JUP: variants seen among roughly 807,000 people sequenced by gnomAD.
JUP encodes catenin (cadherin-associated protein), gamma 80kDa.
A neutral mutation model predicts 71.1 loss-of-function variants in JUP; 28 were observed. That is an observed-to-expected ratio of 0.39 (90% confidence interval 0.29 to 0.54). JUP has a LOEUF of 0.54. Among genes scored for constraint, JUP ranks in the 20% least tolerant of loss-of-function variants. The probability of loss-of-function intolerance (pLI) is 0.62; values close to 1 mark genes in which losing one functional copy is unlikely to be tolerated. For synonymous variants in JUP, 401 were observed against 438.9 expected, an observed-to-expected ratio of 0.91 and a Z score of 1.08; for missense variants, 869 against 1,030.1, an observed-to-expected ratio of 0.84 and a Z score of 2.14.
Position 41,767,463 on chromosome 17 carries a change from G to A in JUP, c.825C>T (p.Pro275=). 1 of 1,614,124 alleles carries A rather than the reference G, an allele frequency of 6.2e-7. No homozygotes were observed. Among genetic ancestry groups the A allele is most frequent in the Non-Finnish European group, 8.5e-7 (1 of 1,180,014 alleles). ...ACTTGGGGTTGTTCTTGTTGAGCAG[G>A]GGCACCATCTTTTGCAGCCCGTCGG... ...RLADGLQKMV[P]LLNKNNPKFL... is the part of the protein sequence containing the mutation. The change falls in exon 5 of 14, where the codon CCC becomes CCT. Residue 275 remains proline, a synonymous_variant. Coordinates refer to ENST00000393931, the MANE Select transcript of JUP (RefSeq NM_002230.4).
chr17:41,759,246 T>G (rs1481160600), intron 8 of JUP, among the ~76,000 whole-genome samples: 1 of 152,082 alleles, frequency 6.6e-6, no homozygotes, highest in Non-Finnish European at 1.5e-5. Flanking sequence ...GCTAATTTTT[T>G]GTATTTTTAG....
chr17:41,755,622 A>G lies in JUP; in HGVS notation c.*122T>C. On this transcript the variant is annotated 3_prime_UTR_variant, in exon 14 of 14. Coordinates refer to ENST00000393931, the MANE Select transcript of JUP (RefSeq NM_002230.4). The stretch of plus-strand genomic sequence containing the variant: ...ACCGTGCTTGGGGAAGCTCAGCAGC[A>G]AAGGATCCCCCCAAAAAAGGAGCGC... 2 of 1,007,044 alleles carry G rather than the reference A, an allele frequency of 2.0e-6. No homozygotes were observed. The highest frequency in any genetic ancestry group is 2.8e-6 in the Non-Finnish European group (2 of 711,856). The allele number at this position is 1,007,044 out of a possible 1,614,324, so 62.4% of individuals were successfully genotyped here.
chr17:41,779,603 C>T (rs1015152853), intron 1 of JUP, among the ~76,000 whole-genome samples: 2 of 152,104 alleles, frequency 1.3e-5, no homozygotes, highest in Admixed American at 1.3e-4. Flanking sequence ...GCTGGGATTA[C>T]AGGCGTGAGC....
Position 41,758,409 on chromosome 17 carries a change from A to G in JUP, c.1763T>C (p.Leu588Pro), listed in dbSNP as rs1555599374. The part of the protein sequence containing the change: ...MEIFRLNTIP[L>P]FVQLLYSSVE... ...CTGCCCCAGACTCACCTGCACAAACAGGGGAATGGTGTTGAGCCGGAAGAT... is the reference window on the plus strand; with the variant it reads ...CTGCCCCAGACTCACCTGCACAAACGGGGGAATGGTGTTGAGCCGGAAGAT... The change falls in exon 10 of 14, where the codon CTG becomes CCG. Residue 588 changes from leucine (L) to proline (P), a missense_variant. Physicochemically the swap from Leu to Pro is moderately conservative, Grantham distance 98. Coordinates refer to ENST00000393931, the MANE Select transcript of JUP (RefSeq NM_002230.4). 1.2e-6 allele frequency: 2 copies of G among 1,613,274 alleles called. No homozygotes were observed. The highest frequency in any genetic ancestry group is 2.2e-5 in the East Asian group (1 of 44,874).
rs1247371018 is a variant in JUP, at chr17:41,755,202, G to C, written c.*542C>G. The C allele has an allele frequency of 2.5e-6, 1 of 398,516 alleles. No individual in the cohort carries two copies. Among genetic ancestry groups the C allele is most frequent in the African/African-American group, 2.1e-5 (1 of 48,626 alleles). 24.7% of individuals were successfully genotyped at this position (398,516 alleles called of 1,614,324 possible). On this transcript the variant is annotated 3_prime_UTR_variant, in exon 14 of 14. Coordinates refer to ENST00000393931, the MANE Select transcript of JUP (RefSeq NM_002230.4). Reference sequence around the variant, plus strand: ...GGGGGAAAACAGAATGGGTACTTGAGTCTGAAGCTTTAGTGGCCAGGGCCA... The same window carrying C: ...GGGGGAAAACAGAATGGGTACTTGACTCTGAAGCTTTAGTGGCCAGGGCCA...
chr17:41,767,892 T>C (rs1915975987), intron 4 of JUP, among the ~76,000 whole-genome samples: 1 of 152,192 alleles, frequency 6.6e-6, no homozygotes, highest in African/African-American at 2.4e-5. Flanking sequence ...GGCCACATAT[T>C]AGAGAGGCCT....
chr17:41,770,743 G>A (rs1916521811), intron 2 of JUP, among the ~76,000 whole-genome samples: 1 of 152,206 alleles, frequency 6.6e-6, no homozygotes, highest in Non-Finnish European at 1.5e-5. Context: ...TGGGCTGGCG[G>A]GGCATCCCCA....
chr17:41,764,922 C>T lies in JUP; in HGVS notation c.1054+1G>A, dbSNP rs781830049. On this transcript the variant is annotated splice_donor_variant, in intron 6 of 13. Transcript: ENST00000393931. LOFTEE classifies it high-confidence loss of function. The stretch of plus-strand genomic sequence containing the variant: ...GCCGCCCTCAAGGCCATCATACTCA[C>T]CAGCCTCCACAATGGCAGGCTTATT... 1 of 1,614,194 alleles carries T rather than the reference C, an allele frequency of 6.2e-7. No homozygotes were observed. The highest frequency in any genetic ancestry group is 1.1e-5 in the South Asian group (1 of 91,090).
chr17:41,762,925 C>T, intron 8 of JUP, 58 bp downstream of exon 8: 1 of 1,491,438 alleles, frequency 6.7e-7, no homozygotes, highest in Non-Finnish European at 9.3e-7. Flanking sequence ...TTTGCCTATA[C>T]CAATACAGCA....
At chr17:41,772,640 G>C (rs1916843883) in intron 1 of JUP, among the ~76,000 whole-genome samples, 1 of 152,102 alleles carries the variant, frequency 6.6e-6, no homozygotes, top group African/African-American at 2.4e-5. Context: ...CGAGGACCTG[G>C]TGCATAGCAG....
chr17:41,760,414 C>T (rs1020865186), intron 8 of JUP, among the ~76,000 whole-genome samples: 3 of 151,698 alleles, frequency 2.0e-5, no homozygotes, highest in African/African-American at 4.8e-5. Flanking sequence ...CGCCACCACG[C>T]CTGGCTAATT....
rs1555605604 is a variant in JUP at position 41,769,401 on chromosome 17, C to A, written c.468+17G>T. 6.2e-7 allele frequency: 1 copy of A among 1,606,030 alleles called. No individual in the cohort carries two copies. Among genetic ancestry groups the A allele is most frequent in the South Asian group, 1.1e-5 (1 of 89,826 alleles). On this transcript the variant is annotated intron_variant, in intron 3 of 13. Coordinates refer to ENST00000393931, the MANE Select transcript of JUP (RefSeq NM_002230.4). ...CCTCCCTGCCCAGCCCCCACCCTAG[C>A]AGGGACCCTCACAGACCGGGTCCTC...
At chr17:41,761,035 C>A (rs551142617) in intron 8 of JUP, among the ~76,000 whole-genome samples, 1 of 152,234 alleles carries the variant, frequency 6.6e-6, no homozygotes, top group South Asian at 2.1e-4. Context: ...CACACACAAA[C>A]GCTTTCCCCC....
At position 41,758,702 on chromosome 17, in the gene JUP, C is replaced by A. The variant is rs1555599665; in HGVS notation, c.1653+13G>T. 6.3e-7 allele frequency: 1 copy of A among 1,598,626 alleles called. No homozygotes were observed. The highest frequency in any genetic ancestry group is 1.7e-4 in the Middle Eastern group (1 of 6,016). On this transcript the variant is annotated intron_variant, in intron 9 of 13. Coordinates refer to ENST00000393931, the MANE Select transcript of JUP (RefSeq NM_002230.4). ...CCCAGGAAGGCTGTCAGAGGCACCA[C>A]CAGCTCACATACCGTGTAGGGCTGC...
chr17:41,760,146 G>A, intron 8 of JUP, among the ~76,000 whole-genome samples: 1 of 151,568 alleles, frequency 6.6e-6, no homozygotes. Flanking sequence ...CTGGGCAACA[G>A]AGCAAGAATC....
chr17:41,777,002 GTC>G (rs1567828540), intron 1 of JUP, among the ~76,000 whole-genome samples: 1 of 152,038 alleles, frequency 6.6e-6, no homozygotes, highest in Non-Finnish European at 1.5e-5. Flanking sequence ...GCGAGACTCT[GTC>G]TCAAAAAAAA....
Position 41,755,223 on chromosome 17 carries a change from G to A in JUP, c.*521C>T. ...TTGAGTCTGAAGCTTTAGTGGCCAGGGCCACAGGGGCGGGGAGGGGGTGTC... is the reference window on the plus strand; with the variant it reads ...TTGAGTCTGAAGCTTTAGTGGCCAGAGCCACAGGGGCGGGGAGGGGGTGTC... On this transcript the variant is annotated 3_prime_UTR_variant, in exon 14 of 14. Coordinates refer to ENST00000393931, the MANE Select transcript of JUP (RefSeq NM_002230.4). 1 of 398,806 alleles carries A rather than the reference G, an allele frequency of 2.5e-6. No individual in the cohort carries two copies. Among genetic ancestry groups the A allele is most frequent in the Non-Finnish European group, 4.4e-6 (1 of 226,406 alleles). 24.7% of individuals were successfully genotyped at this position (398,806 alleles called of 1,614,324 possible). A position where few individuals can be genotyped will look rare whatever the true frequency, so the allele number is the denominator to read the frequency against.
intron 1 of JUP, among the ~76,000 whole-genome samples, chr17:41,785,731 T>C (rs1194883299): frequency 5.9e-5 from 9 of 152,208 alleles, no homozygotes; most frequent in African/African-American, 2.2e-4. Flanking sequence ...AGACGGGTCC[T>C]GTTCCCCTAC....
intron 12 of JUP, among the ~76,000 whole-genome samples, chr17:41,756,488 T>C (rs782735062): frequency 1.3e-5 from 2 of 152,072 alleles, no homozygotes; most frequent in Non-Finnish European, 2.9e-5. Flanking sequence ...TAATCCCAGC[T>C]ACTCGGGAGG....
Sources: allele counts gnomAD v4.1 joint callset (sites outside exome capture counted in the v4.1 genomes callset), GRCh38; gene constraint gnomAD v4.1.1; transcripts MANE v1.5; gene names NCBI Gene and HGNC (gene_info 2026-07-23, HGNC 2026-07-21).